The following WDR3 variants were observed in gnomAD, a reference collection of about 807,000 sequenced individuals.
WDR3 encodes the protein WD repeat domain 3, also known as WD repeat-containing protein 3.
WDR3 carries 81 observed loss-of-function variants against 123.7 expected under a neutral mutation model. The observed-to-expected ratio is 0.65, with a 90% CI of 0.55 to 0.79. The LOEUF is 0.79. Among genes scored for constraint, WDR3 ranks in the 30% least tolerant of loss-of-function variants. The pLI, the probability that WDR3 is intolerant of heterozygous loss-of-function variation, is 0.00. For missense variants in WDR3, 1,027 were observed against 1,123.2 expected, an observed-to-expected ratio of 0.91 and a Z score of 1.22; for synonymous variants, 390 against 388.8, an observed-to-expected ratio of 1.00 and a Z score of -0.04.
intron 26 of WDR3, 76 bp downstream of exon 26, chr1:117,959,079 C>A: frequency 1.4e-6 from 2 of 1,461,866 alleles, no homozygotes; most frequent in South Asian, 1.2e-5. Context: ...GTATGCTGTG[C>A]TTTGTCTTTA....
At chr1:117,931,093 G>T (rs1013956481) in intron 1 of WDR3, among the ~76,000 whole-genome samples, 12 of 152,130 alleles carry the variant, frequency 7.9e-5, no homozygotes, top group African/African-American at 2.9e-4. Flanking sequence ...ACCATGCCTG[G>T]TTAATTTTTT....
At chr1:117,939,220 A>G (rs1651054574) in intron 5 of WDR3, among the ~76,000 whole-genome samples, 1 of 152,248 alleles carries the variant, frequency 6.6e-6, no homozygotes, top group Non-Finnish European at 1.5e-5. Context: ...CTGAACAGCC[A>G]TTATCTTAAT....
chr1:117,940,401 A>G lies in WDR3; in HGVS notation c.676-426A>G, dbSNP rs114918781. On this transcript the variant is annotated intron_variant, in intron 6 of 26. Transcript: ENST00000349139. ...TGATTAGAAGCTGTTATTGGCCATA[A>G]GAAAGATTTCTAAGTCTTCAGGATT... Among the ~76,000 whole-genome samples, 1,003 of 152,294 alleles carry G rather than the reference A, an allele frequency of 6.6e-3. 10 individuals carry two copies. The highest frequency in any genetic ancestry group is 0.022 in the African/African-American group (928 of 41,552).
At chr1:117,938,439 C>T (rs1296386969) in intron 4 of WDR3, 41 bp from the exon 5 acceptor site, 1 of 1,560,288 alleles carries the variant, frequency 6.4e-7, no homozygotes, top group Admixed American at 1.7e-5. Flanking sequence ...AATGAGTTTT[C>T]CTAAACAGGC....
chr1:117,933,512 TG>T (rs1352225712), intron 2 of WDR3, 22 bp downstream of exon 2: 1 of 1,613,684 alleles, frequency 6.2e-7, no homozygotes, highest in East Asian at 2.2e-5. Context: ...ATGACCAGTT[TG>T]ATACTGATTT....
At chr1:117,946,217 C>G in intron 12 of WDR3, 38 bp downstream of exon 12, 1 of 1,534,068 alleles carries the variant, frequency 6.5e-7, no homozygotes, top group Non-Finnish European at 8.9e-7. Context: ...TGGATCTTTT[C>G]TACTCAAAAT....
chr1:117,950,802 A>G (rs748512237), intron 15 of WDR3, 32 bp from the exon 16 acceptor site: 1 of 1,565,516 alleles, frequency 6.4e-7, no homozygotes, highest in East Asian at 2.3e-5. Context: ...TATTTTATAG[A>G]CAGACATTAA....
At chr1:117,955,275 A>G in intron 23 of WDR3, 40 bp from the exon 24 acceptor site, 3 of 1,574,616 alleles carry the variant, frequency 1.9e-6, no homozygotes, top group Non-Finnish European at 2.6e-6. Context: ...GTAGAAACCA[A>G]CCAAGAGTAT....
rs534136510 is a variant in WDR3, at chr1:117,958,828, T to C, written c.2583-82T>C. 9 of 925,008 alleles carry C rather than the reference T, an allele frequency of 9.7e-6. No individual in the cohort carries two copies. The African/African-American group carries it at 1.0e-4, about 10-fold the overall frequency. The allele number at this position is 925,008 out of a possible 1,614,324, so 57.3% of individuals were successfully genotyped here. ...TGTATATTTTGTTGTTGCTTTGATATTGTGTCTGTTTACTGTTTCTAGAAG... is the reference window on the plus strand; with the variant it reads ...TGTATATTTTGTTGTTGCTTTGATACTGTGTCTGTTTACTGTTTCTAGAAG... On this transcript the variant is annotated intron_variant, in intron 25 of 26. Transcript: ENST00000349139.
At chr1:117,954,752 T>C (rs1305797030) in intron 23 of WDR3, 125 bp downstream of exon 23, 3 of 1,036,294 alleles carry the variant, frequency 2.9e-6, no homozygotes, top group African/African-American at 3.3e-5. Context: ...CAAAAGTCTC[T>C]TTTGAATCTT....
chr1:117,955,544 A>G (rs1652073135), intron 24 of WDR3, among the ~76,000 whole-genome samples, 186 bp downstream of exon 24: 1 of 152,154 alleles, frequency 6.6e-6, no homozygotes, highest in Admixed American at 6.5e-5. Context: ...AGTTCCTTCT[A>G]AAGTATGAAG....
Position 117,934,740 on chromosome 1 carries a change from G to T in WDR3, c.381+58G>T, listed in dbSNP as rs928530923. ...ATTAAAGGAATGTAAGGCTTATGCTGAAGCAAGTTGTTGACAAAAATTGTC... is the reference window on the plus strand; with the variant it reads ...ATTAAAGGAATGTAAGGCTTATGCTTAAGCAAGTTGTTGACAAAAATTGTC... On this transcript the variant is annotated intron_variant, in intron 3 of 26. Coordinates refer to ENST00000349139, the MANE Select transcript of WDR3 (RefSeq NM_006784.3). The T allele has an allele frequency of 4.4e-6, 7 of 1,578,432 alleles. No individual in the cohort carries two copies. The Admixed American group carries it at 1.2e-4, about 28-fold the overall frequency.
chr1:117,933,182 C>A, intron 1 of WDR3, 106 bp from the exon 2 acceptor site: 1 of 932,376 alleles, frequency 1.1e-6, no homozygotes, highest in Non-Finnish European at 1.6e-6. Context: ...CCAGCCTGGG[C>A]AACAGAGTGA....
At chr1:117,949,037 CAAT>C (rs931571475) in intron 13 of WDR3, among the ~76,000 whole-genome samples, 4 of 151,830 alleles carry the variant, frequency 2.6e-5, no homozygotes, top group Admixed American at 2.6e-4. Flanking sequence ...TAAATATTCT[CAAT>C]GATAGACAAT....
Position 117,933,473 on chromosome 1 carries a change from T to G in WDR3, c.154T>G (p.Leu52Val). The change falls in exon 2 of 27, where the codon TTA becomes GTA. Residue 52 changes from leucine (L) to valine (V), a missense_variant. Transcript: ENST00000349139. ...PACEHVFIWD[L>V]RKGEKILILQ... ...TTGTGAACACGTTTTCATCTGGGAC[T>G]TAAGGAAAGGAGAGAAGGTGAGCCT... 6.2e-7 allele frequency: 1 copy of G among 1,614,176 alleles called. No homozygotes were observed. Among genetic ancestry groups the G allele is most frequent in the African/African-American group, 1.3e-5 (1 of 75,052 alleles).
intron 6 of WDR3, among the ~76,000 whole-genome samples, chr1:117,940,394 G>A (rs1379149519): frequency 6.6e-6 from 1 of 152,050 alleles, no homozygotes; most frequent in East Asian, 1.9e-4. Context: ...AGCTGTTATT[G>A]GCCATAAGAA....
chr1:117,943,459 C>G lies in WDR3; in HGVS notation c.1161C>G (p.Asn387Lys). ...ELKAVFLLQNNLVELYSLNPS... is the reference protein window; with the variant it reads ...ELKAVFLLQNKLVELYSLNPS... Reference sequence around the variant, plus strand: ...AGGCTGTCTTCCTGCTGCAGAACAACCTGGTGGAATTGTATTCACTGAATC... The same window carrying G: ...AGGCTGTCTTCCTGCTGCAGAACAAGCTGGTGGAATTGTATTCACTGAATC... Residue 387 changes from asparagine (N) to lysine (K), a missense_variant, in exon 11 of 27, where the codon AAC (asparagine) becomes AAG (lysine). Asn to Lys is a moderately conservative substitution (Grantham distance 94). Coordinates refer to ENST00000349139, the MANE Select transcript of WDR3 (RefSeq NM_006784.3). 6.2e-7 allele frequency: 1 copy of G among 1,614,108 alleles called. No individual in the cohort carries two copies. Among genetic ancestry groups the G allele is most frequent in the Non-Finnish European group, 8.5e-7 (1 of 1,180,020 alleles).
At chr1:117,933,517 C>T in intron 2 of WDR3, 27 bp downstream of exon 2, 1 of 1,613,394 alleles carries the variant, frequency 6.2e-7, no homozygotes, top group Non-Finnish European at 8.5e-7. Flanking sequence ...CAGTTTGATA[C>T]TGATTTATTG....
At chr1:117,936,419 A>T (rs1650948065) in intron 3 of WDR3, among the ~76,000 whole-genome samples, 1 of 152,168 alleles carries the variant, frequency 6.6e-6, no homozygotes, top group Non-Finnish European at 1.5e-5. Flanking sequence ...ATTGATTATT[A>T]TGTGAGCATT....
Sources: allele counts gnomAD v4.1 joint callset (sites outside exome capture counted in the v4.1 genomes callset), GRCh38; gene constraint gnomAD v4.1.1; transcripts MANE v1.5; gene names NCBI Gene and HGNC (gene_info 2026-07-23, HGNC 2026-07-21).